PCDHGC4: variants seen among roughly 807,000 people sequenced by gnomAD.
PCDHGC4 encodes the protein protocadherin gamma subfamily C, 4, also known as protocadherin gamma-C4.
In PCDHGC4, 15 loss-of-function variants were observed where a neutral mutation model predicts 59.7. The observed-to-expected ratio is 0.25, with a 90% CI of 0.17 to 0.39. PCDHGC4 has a LOEUF of 0.39. PCDHGC4 is among the 10% of genes least tolerant of loss of function. The pLI, the probability that PCDHGC4 is intolerant of heterozygous loss-of-function variation, is 1.00. For missense variants in PCDHGC4, 1,016 were observed against 1,189.5 expected, an observed-to-expected ratio of 0.85 and a Z score of 2.15; for synonymous variants, 434 against 481.4, an observed-to-expected ratio of 0.90 and a Z score of 1.29.
Position 141,490,526 on chromosome 5 carries a change from C to T in PCDHGC4, c.2442+2911C>T, listed in dbSNP as rs1270447529. 6.2e-7 allele frequency: 1 copy of T among 1,614,116 alleles called. No homozygotes were observed. Among genetic ancestry groups the T allele is most frequent in the Non-Finnish European group, 8.5e-7 (1 of 1,180,008 alleles). ...ATCATCGAGCTGCTGGCCAGCGATGCTGGTTCACCTTCCCTACACAAACAT... is the reference window on the plus strand; with the variant it reads ...ATCATCGAGCTGCTGGCCAGCGATGTTGGTTCACCTTCCCTACACAAACAT... On this transcript the variant is annotated intron_variant, in intron 1 of 3. Coordinates refer to ENST00000306593, the MANE Select transcript of PCDHGC4 (RefSeq NM_018928.3). The surrounding 1 kb of genome is among the most constrained non-coding windows in gnomAD (Gnocchi z 5.4).
chr5:141,499,616 C>T (rs538268323), intron 2 of PCDHGC4, among the ~76,000 whole-genome samples: 2 of 152,058 alleles, frequency 1.3e-5, no homozygotes, highest in South Asian at 4.2e-4. Context: ...CTTATCCTGT[C>T]CTTGGATTCT....
Position 141,490,965 on chromosome 5 carries a change from C to G in PCDHGC4, c.2442+3350C>G. On this transcript the variant is annotated intron_variant, in intron 1 of 3. Coordinates refer to ENST00000306593, the MANE Select transcript of PCDHGC4 (RefSeq NM_018928.3). This position sits in a 1 kb window ranked among gnomAD's most constrained non-coding sequence, Gnocchi z 5.4. ...CACGGCCAGACTGGGAACACTCAGC[C>G]CCCCAGCGTCTCCCTCGCTCTGCTC... is the stretch of plus-strand genomic sequence containing the variant. 5 of 1,613,856 alleles carry G rather than the reference C, an allele frequency of 3.1e-6. No homozygotes were observed. The highest frequency in any genetic ancestry group is 3.3e-4 in the Middle Eastern group (2 of 6,062).
At position 141,485,142 on chromosome 5, in the gene PCDHGC4, A is replaced by C. The variant is rs979255582; in HGVS notation, c.-32A>C. 5 of 1,554,566 alleles carry C rather than the reference A, an allele frequency of 3.2e-6. No homozygotes were observed. The highest frequency in any genetic ancestry group is 3.5e-6 in the Non-Finnish European group (4 of 1,131,592). On this transcript the variant is annotated 5_prime_UTR_variant, in exon 1 of 4. Transcript: ENST00000306593. The surrounding 1 kb of genome is among the most constrained non-coding windows in gnomAD (Gnocchi z 5.7). ...GGCGGGTCGGCTTCATCCGCGTCTC[A>C]GGAGCAAGTAGAGAATTAGCGGGCG... is the stretch of plus-strand genomic sequence containing the variant.
intron 3 of PCDHGC4, among the ~76,000 whole-genome samples, chr5:141,508,506 C>G (rs2099869342): frequency 6.6e-6 from 1 of 152,180 alleles, no homozygotes; most frequent in Admixed American, 6.5e-5. Context: ...TCTCTCCCTC[C>G]TGGTCCAGCC....
At position 141,491,099 on chromosome 5, in the gene PCDHGC4, T is replaced by C. The variant is rs1352561414; in HGVS notation, c.2442+3484T>C. 1 of 1,614,176 alleles carries C rather than the reference T, an allele frequency of 6.2e-7. No homozygotes were observed. ...CAGTCCACAGCCCCAGGACTGTTCC[T>C]CGTGTCTACACACACTGGTGAGGTG... On this transcript the variant is annotated intron_variant, in intron 1 of 3. Coordinates refer to ENST00000306593, the MANE Select transcript of PCDHGC4 (RefSeq NM_018928.3). The surrounding 1 kb of genome is among the most constrained non-coding windows in gnomAD (Gnocchi z 6.9).
chr5:141,492,425 C>T (rs1243599547), intron 1 of PCDHGC4, among the ~76,000 whole-genome samples: 1 of 152,254 alleles, frequency 6.6e-6, no homozygotes, highest in Non-Finnish European at 1.5e-5. Flanking sequence ...CTCCGCCGGG[C>T]TCAGGAGTAC....
Position 141,491,482 on chromosome 5 carries a change from A to G in PCDHGC4, c.2443-3325A>G. On this transcript the variant is annotated intron_variant, in intron 1 of 3. Coordinates refer to ENST00000306593, the MANE Select transcript of PCDHGC4 (RefSeq NM_018928.3). The surrounding 1 kb of genome is among the most constrained non-coding windows in gnomAD (Gnocchi z 6.9). Reference sequence around the variant, plus strand: ...GGACTTCTATAAGCAGTCCAGCCCCAACCTGCAGGTGAGCTCGGACGGCAC... The same window carrying G: ...GGACTTCTATAAGCAGTCCAGCCCCGACCTGCAGGTGAGCTCGGACGGCAC... 1 of 1,614,088 alleles carries G rather than the reference A, an allele frequency of 6.2e-7. No individual in the cohort carries two copies. The highest frequency in any genetic ancestry group is 8.5e-7 in the Non-Finnish European group (1 of 1,180,006).
chr5:141,489,867 G>C lies in PCDHGC4; in HGVS notation c.2442+2252G>C. ...ATCGTGAAGCCCAGGCAAGACATCA[G>C]CTGGTGCTTACTGCTGTGGATGGGG... On this transcript the variant is annotated intron_variant, in intron 1 of 3. Transcript: ENST00000306593. This position sits in a 1 kb window ranked among gnomAD's most constrained non-coding sequence, Gnocchi z 4.5. 1 of 1,614,240 alleles carries C rather than the reference G, an allele frequency of 6.2e-7. No individual in the cohort carries two copies. Among genetic ancestry groups the C allele is most frequent in the Non-Finnish European group, 8.5e-7 (1 of 1,180,034 alleles).
In PCDHGC4 at chr5:141,510,983, C is replaced by T; in HGVS notation, c.2627C>T (p.Ala876Val). The change falls in exon 4 of 4, where the codon GCC becomes GTC. Residue 876 changes from alanine to valine, a missense_variant. Transcript: ENST00000306593. The stretch of plus-strand genomic sequence containing the variant: ...GGGAGCTCCACCCTGGGAGGGGGTG[C>T]CGGCACCATGGGATTGAGCGCCCGC... ...ADGSSTLGGG[A>V]GTMGLSARYG... The T allele has an allele frequency of 6.2e-7, 1 of 1,614,162 alleles. No homozygotes were observed. The highest frequency in any genetic ancestry group is 8.5e-7 in the Non-Finnish European group (1 of 1,180,012).
intron 2 of PCDHGC4, among the ~76,000 whole-genome samples, chr5:141,498,872 G>T (rs912789877): frequency 1.4e-4 from 21 of 151,650 alleles, no homozygotes; most frequent in Non-Finnish European, 2.9e-4. Flanking sequence ...GGCGGAGGTT[G>T]CAGTGAGCTG....
rs781229038 is a variant in PCDHGC4, at chr5:141,489,990, A to C, written c.2442+2375A>C. 1.2e-4 allele frequency: 194 copies of C among 1,614,138 alleles called. No individual in the cohort carries two copies. Among genetic ancestry groups the C allele is most frequent in the Non-Finnish European group, 1.6e-4 (188 of 1,180,038 alleles). Reference sequence around the variant, plus strand: ...TCCAATCCTCAGTTCTACGTGTGGGAATCCCAGAGAATGCACCCATTGGTA... The same window carrying C: ...TCCAATCCTCAGTTCTACGTGTGGGCATCCCAGAGAATGCACCCATTGGTA... On this transcript the variant is annotated intron_variant, in intron 1 of 3. Transcript: ENST00000306593. The surrounding 1 kb of genome is among the most constrained non-coding windows in gnomAD (Gnocchi z 4.5).
intron 2 of PCDHGC4, among the ~76,000 whole-genome samples, chr5:141,500,416 A>G: frequency 6.6e-6 from 1 of 151,634 alleles, no homozygotes; most frequent in East Asian, 2.0e-4. Flanking sequence ...TCACCGTGTT[A>G]GCCAGGATGG....
In PCDHGC4 at chr5:141,511,599, C is replaced by G; in HGVS notation, c.*426C>G. 4.0e-6 allele frequency: 1 copy of G among 252,540 alleles called. No homozygotes were observed. Among genetic ancestry groups the G allele is most frequent in the South Asian group, 5.2e-5 (1 of 19,398 alleles). 15.6% of individuals were successfully genotyped at this position (252,540 alleles called of 1,614,324 possible). ...GTTGGGGTGTTGAAGTACCAAGTAA[C>G]CTACAAGCCTCCTAGTTCTGAAAAG... On this transcript the variant is annotated 3_prime_UTR_variant, in exon 4 of 4. Coordinates refer to ENST00000306593, the MANE Select transcript of PCDHGC4 (RefSeq NM_018928.3).
At position 141,489,157 on chromosome 5, in the gene PCDHGC4, C is replaced by A. The variant is rs1222682069; in HGVS notation, c.2442+1542C>A. 1.0e-6 allele frequency: 1 copy of A among 984,444 alleles called. No homozygotes were observed. The highest frequency in any genetic ancestry group is 1.6e-5 in the African/African-American group (1 of 61,296). The allele number at this position is 984,444 out of a possible 1,614,324, so 61.0% of individuals were successfully genotyped here. On this transcript the variant is annotated intron_variant, in intron 1 of 3. Coordinates refer to ENST00000306593, the MANE Select transcript of PCDHGC4 (RefSeq NM_018928.3). This position sits in a 1 kb window ranked among gnomAD's most constrained non-coding sequence, Gnocchi z 4.5. ...AGAGGCTGGAAGGAGACATAAGAGA[C>A]TTCAGCTGCTGCATTCCAAGCCCTG...
chr5:141,506,544 G>GT (rs2099854759), intron 3 of PCDHGC4, among the ~76,000 whole-genome samples: 1 of 151,880 alleles, frequency 6.6e-6, no homozygotes, highest in Non-Finnish European at 1.5e-5. Flanking sequence ...GAGTCCTTAG[G>GT]TAAGTTATTA....
chr5:141,489,427 C>G lies in PCDHGC4; in HGVS notation c.2442+1812C>G, dbSNP rs370540900. ...AAAGATGACAGATCTGTTGAGCCGG[C>G]GGCTGCAATTGGGCTCTGAGGAGAA... On this transcript the variant is annotated intron_variant, in intron 1 of 3. Transcript: ENST00000306593. The surrounding 1 kb of genome is among the most constrained non-coding windows in gnomAD (Gnocchi z 4.5). 6.2e-7 allele frequency: 1 copy of G among 1,614,108 alleles called. No homozygotes were observed. Among genetic ancestry groups the G allele is most frequent in the South Asian group, 1.1e-5 (1 of 91,086 alleles).
intron 2 of PCDHGC4, among the ~76,000 whole-genome samples, chr5:141,500,254 G>A (rs1260325865): frequency 1.3e-5 from 2 of 150,426 alleles, no homozygotes; most frequent in Non-Finnish European, 3.0e-5. Context: ...TGTCACCCAG[G>A]CTGGACTGCA....
rs2099746025 is a variant in PCDHGC4 at position 141,493,066 on chromosome 5, T to C, written c.2443-1741T>C. On this transcript the variant is annotated intron_variant, in intron 1 of 3. Coordinates refer to ENST00000306593, the MANE Select transcript of PCDHGC4 (RefSeq NM_018928.3). This position sits in a 1 kb window ranked among gnomAD's most constrained non-coding sequence, Gnocchi z 4.3. ...AACTACAATAGTAAAAAACACAAGT[T>C]TCTCCAACTCCAGGAGCTTTTATTC... Among the ~76,000 whole-genome samples the C allele has an allele frequency of 6.6e-6, 1 of 152,202 alleles. No homozygotes were observed. Among genetic ancestry groups the C allele is most frequent in the East Asian group, 1.9e-4 (1 of 5,194 alleles).
At position 141,485,122 on chromosome 5, in the gene PCDHGC4, G is replaced by C. The variant is rs1000179570; in HGVS notation, c.-52G>C. The stretch of plus-strand genomic sequence containing the variant: ...CAGCTGCTGTGGCTGTTTGGGGCGG[G>C]TCGGCTTCATCCGCGTCTCAGGAGC... On this transcript the variant is annotated 5_prime_UTR_variant, in exon 1 of 4. Transcript: ENST00000306593. This position sits in a 1 kb window ranked among gnomAD's most constrained non-coding sequence, Gnocchi z 5.7. The C allele has an allele frequency of 4.3e-6, 6 of 1,387,506 alleles. No individual in the cohort carries two copies. In the African/African-American group the frequency reaches 8.5e-5, roughly 20 times the overall value. The allele number at this position is 1,387,506 out of a possible 1,614,324, so 85.9% of individuals were successfully genotyped here. A position where few individuals can be genotyped will look rare whatever the true frequency, so the allele number is the denominator to read the frequency against.
Sources: allele counts gnomAD v4.1 joint callset (sites outside exome capture counted in the v4.1 genomes callset), GRCh38; gene constraint gnomAD v4.1.1; non-coding constraint Gnocchi (gnomAD v3.1); transcripts MANE v1.5; gene names NCBI Gene and HGNC (gene_info 2026-07-23, HGNC 2026-07-21).